VWF: variants seen among roughly 807,000 people sequenced by gnomAD.
VWF encodes Factor VIII related antigen.
In VWF, 176 loss-of-function variants were observed where a neutral mutation model predicts 308.6. The ratio of observed to expected loss-of-function variants is 0.57; its 90% CI spans 0.50 to 0.65. The LOEUF is 0.65. VWF is among the 30% of genes least tolerant of loss of function. VWF has a pLI of 0.00. For synonymous variants in VWF, 1,385 were observed against 1,443.4 expected, an observed-to-expected ratio of 0.96 and a Z score of 0.92; for missense variants, 3,146 against 3,648.2, an observed-to-expected ratio of 0.86 and a Z score of 3.55.
At chr12:5,991,488 A>C (rs1366802644) in intron 38 of VWF, among the ~76,000 whole-genome samples, 2 of 152,178 alleles carry the variant, frequency 1.3e-5, no homozygotes, top group African/African-American at 4.8e-5. Context: ...ATGACACAAA[A>C]TATTCTTTTC....
chr12:6,075,481 G>C lies in VWF; in HGVS notation c.728C>G (p.Pro243Arg). 2.5e-6 allele frequency: 4 copies of C among 1,614,194 alleles called. No homozygotes were observed. The highest frequency in any genetic ancestry group is 3.4e-6 in the Non-Finnish European group (4 of 1,180,044). Reference protein sequence around the residue: ...VFARCHPLVDPEPFVALCEKT... With the variant: ...VFARCHPLVDREPFVALCEKT... Reference sequence around the variant, plus strand: ...CTCACACAGGGCCACAAAAGGCTCGGGGTCCACCAGAGGGTGGCAGCGGGC... The same window carrying C: ...CTCACACAGGGCCACAAAAGGCTCGCGGTCCACCAGAGGGTGGCAGCGGGC... The change falls in exon 7 of 52, where the codon CCC becomes CGC. Residue 243 changes from proline to arginine, a missense_variant. Around this residue, in one of 3 missense-constraint regions of VWF, gnomAD observed 1,304 missense variants for 1,353.0 expected, o/e 0.96. Transcript: ENST00000261405. The surrounding 1 kb of genome is among the most constrained non-coding windows in gnomAD (Gnocchi z 4.7).
chr12:5,998,366 C>T (rs1425461993), intron 34 of VWF, among the ~76,000 whole-genome samples: 2 of 145,804 alleles, frequency 1.4e-5, no homozygotes, highest in Non-Finnish European at 3.0e-5. Context: ...GGCATGGTGG[C>T]GGGCACCTGT....
chr12:5,973,861 C>T (rs1185663415), intron 43 of VWF, among the ~76,000 whole-genome samples: 1 of 152,150 alleles, frequency 6.6e-6, no homozygotes, highest in Non-Finnish European at 1.5e-5. Flanking sequence ...ATGGAAAATC[C>T]CCTCAAAGGC....
At chr12:6,033,165 G>A (rs1341985135) in intron 20 of VWF, among the ~76,000 whole-genome samples, 4 of 152,216 alleles carry the variant, frequency 2.6e-5, no homozygotes, top group East Asian at 1.9e-4. Context: ...GATGCATGGC[G>A]AAGGTTAAAA....
intron 5 of VWF, among the ~76,000 whole-genome samples, chr12:6,100,684 T>C (rs1481571726): frequency 6.6e-6 from 1 of 152,106 alleles, no homozygotes; most frequent in Admixed American, 6.6e-5. Flanking sequence ...TAGATGGGAA[T>C]TGAGCAATGA....
At position 6,052,568 on chromosome 12, in the gene VWF, T is replaced by C. The variant is rs2136449452; in HGVS notation, c.2161A>G (p.Ile721Val). The change falls in exon 16 of 52, where the codon ATC becomes GTC. Residue 721 changes from isoleucine (I) to valine (V), a missense_variant. Physicochemically the swap from Ile to Val is conservative, Grantham distance 29 (BLOSUM62 3). Around this residue, in one of 3 missense-constraint regions of VWF, gnomAD observed 1,304 missense variants for 1,353.0 expected, o/e 0.96. Transcript: ENST00000261405. Reference protein sequence around the residue: ...YDGEIFQPEDIFSDHHTMCYC... With the variant: ...YDGEIFQPEDVFSDHHTMCYC... ...CACATGGTGTGATGGTCTGAGAAGA[T>C]GTCTTCTGGCTGGAAGATCTCACCG... is the stretch of plus-strand genomic sequence containing the variant. 1.2e-6 allele frequency: 2 copies of C among 1,614,274 alleles called. No homozygotes were observed. Among genetic ancestry groups the C allele is most frequent in the East Asian group, 4.5e-5 (2 of 44,892 alleles).
Position 5,967,422 on chromosome 12 carries a change from T to G in VWF, c.7887+64A>C, listed in dbSNP as rs1299984765. ...TATTTATTTAAAGACCGCAGTGAGG[T>G]CCCACTGCCTGGGTCCCACACGCGT... On this transcript the variant is annotated intron_variant, in intron 47 of 51. Coordinates refer to ENST00000261405, the MANE Select transcript of VWF (RefSeq NM_000552.5). 4 of 1,265,284 alleles carry G rather than the reference T, an allele frequency of 3.2e-6. No individual in the cohort carries two copies. The African/African-American group carries it at 5.9e-5, about 19-fold the overall frequency. The allele number at this position is 1,265,284 out of a possible 1,614,324, so 78.4% of individuals were successfully genotyped here.
At chr12:6,094,620 T>A (rs1439566390) in intron 6 of VWF, among the ~76,000 whole-genome samples, 1 of 152,264 alleles carries the variant, frequency 6.6e-6, no homozygotes, top group East Asian at 1.9e-4. Flanking sequence ...AGGTGGCGCC[T>A]TTTAGGAAGT....
At chr12:6,014,251 T>C (rs1490225631) in intron 31 of VWF, among the ~76,000 whole-genome samples, 3 of 152,066 alleles carry the variant, frequency 2.0e-5, no homozygotes, top group African/African-American at 4.8e-5. Context: ...CAATGCTCCA[T>C]TGGCCACAGT....
intron 3 of VWF, among the ~76,000 whole-genome samples, chr12:6,114,704 G>C (rs1211764947): frequency 6.6e-6 from 1 of 152,180 alleles, no homozygotes; most frequent in Non-Finnish European, 1.5e-5. Flanking sequence ...AGCCCAAGGA[G>C]AGACCAGCAT....
chr12:6,063,894 T>A lies in VWF; in HGVS notation c.1432+352A>T, dbSNP rs1591894951. Among the ~76,000 whole-genome samples the A allele has an allele frequency of 6.7e-6, 1 of 148,460 alleles. No homozygotes were observed. Among genetic ancestry groups the A allele is most frequent in the Admixed American group, 6.6e-5 (1 of 15,070 alleles). The stretch of plus-strand genomic sequence containing the variant: ...ATCTCTCAGCATCAGCCTCTGCCCC[T>A]GTCCCACCCCAGAGCAAACCAGAAC... On this transcript the variant is annotated intron_variant, in intron 12 of 51. Coordinates refer to ENST00000261405, the MANE Select transcript of VWF (RefSeq NM_000552.5). This position sits in a 1 kb window ranked among gnomAD's most constrained non-coding sequence, Gnocchi z 4.9.
rs1472625361 is a variant in VWF at position 6,060,081 on chromosome 12, G to A, written c.1534-2037C>T. 1.3e-5 allele frequency among the ~76,000 whole-genome samples: 2 copies of A among 152,052 alleles called. No homozygotes were observed. Among genetic ancestry groups the A allele is most frequent in the Admixed American group, 6.5e-5 (1 of 15,278 alleles). On this transcript the variant is annotated intron_variant, in intron 13 of 51. Transcript: ENST00000261405. The surrounding 1 kb of genome is among the most constrained non-coding windows in gnomAD (Gnocchi z 5.1). ...CCCATCCCCTTGGCTTGTCTCGGAG[G>A]TCAGCTCGGCCAGGGTTAGGAGAGT...
chr12:6,064,367 G>T lies in VWF; in HGVS notation c.1311C>A (p.Asp437Glu), dbSNP rs374722386. 6.8e-6 allele frequency: 11 copies of T among 1,613,998 alleles called. No homozygotes were observed. The East Asian group carries it at 1.1e-4, about 16-fold the overall frequency. Reference protein sequence around the residue: ...IETVQCADDRDAVCTRSVTVR... With the variant: ...IETVQCADDREAVCTRSVTVR... ...CGGTGACGGAGCGGGTGCACACAGC[G>T]TCGCGGTCATCAGCACACTGCCAAG... is the stretch of plus-strand genomic sequence containing the variant. The change falls in exon 12 of 52, where the codon GAC (aspartate) becomes GAA (glutamate). Residue 437 changes from aspartate (D) to glutamate (E), a missense_variant. Physicochemically the swap from Asp to Glu is conservative, Grantham distance 45. Coordinates refer to ENST00000261405, the MANE Select transcript of VWF (RefSeq NM_000552.5).
chr12:6,122,554 C>T (rs570277583), intron 2 of VWF, among the ~76,000 whole-genome samples: 6 of 152,264 alleles, frequency 3.9e-5, no homozygotes, highest in African/African-American at 1.2e-4. Flanking sequence ...TTCCCAGACT[C>T]ACCTGTGGGC....
In VWF at chr12:6,075,179, G is replaced by A. The variant is rs1030874133; in HGVS notation, c.874+156C>T. Among the ~76,000 whole-genome samples the A allele has an allele frequency of 6.6e-6, 1 of 152,126 alleles. No homozygotes were observed. Among genetic ancestry groups the A allele is most frequent in the Non-Finnish European group, 1.5e-5 (1 of 68,030 alleles). On this transcript the variant is annotated intron_variant, in intron 7 of 51. Transcript: ENST00000261405. The surrounding 1 kb of genome is among the most constrained non-coding windows in gnomAD (Gnocchi z 4.7). ...TTGACAGAGGGCAGGAGCCATTCAGGAAATGGGTCCGGGACACGTGGCTTT... is the reference window on the plus strand; with the variant it reads ...TTGACAGAGGGCAGGAGCCATTCAGAAAATGGGTCCGGGACACGTGGCTTT...
rs1274700489 is a variant in VWF at position 6,075,214 on chromosome 12, G to A, written c.874+121C>T. ...CGGGACACGTGGCTTTGTAGTCACT[G>A]GCTGGCTGGGTGTGGTAAAGCCGCA... is the stretch of plus-strand genomic sequence containing the variant. On this transcript the variant is annotated intron_variant, in intron 7 of 51. Transcript: ENST00000261405. The surrounding 1 kb of genome is among the most constrained non-coding windows in gnomAD (Gnocchi z 4.7). 1 of 1,279,630 alleles carries A rather than the reference G, an allele frequency of 7.8e-7. No individual in the cohort carries two copies. The highest frequency in any genetic ancestry group is 1.5e-5 in the African/African-American group (1 of 68,726). 79.3% of individuals were successfully genotyped at this position (1,279,630 alleles called of 1,614,324 possible). A position where few individuals can be genotyped will look rare whatever the true frequency, so the allele number is the denominator to read the frequency against.
rs1326486598 is a variant in VWF at position 6,110,920 on chromosome 12, TC to T, written c.268del (p.Glu90AsnfsTer13). The stretch of plus-strand genomic sequence containing the variant: ...GACAAACAAATGGATGTCAAAAAAT[TC>T]CCCAAGATACACGGAGAGGCTCACT... ...KRVSLSVYLG[E>X]FFDIHLFVNG... On this transcript the variant is annotated frameshift_variant, in exon 4 of 52. Transcript: ENST00000261405. LOFTEE classifies it high-confidence loss of function. The T allele has an allele frequency of 4.3e-6, 7 of 1,613,896 alleles. No individual in the cohort carries two copies. Among genetic ancestry groups the T allele is most frequent in the Non-Finnish European group, 5.9e-6 (7 of 1,179,992 alleles).
At chr12:6,120,166 A>G (rs1391317827) in intron 3 of VWF, among the ~76,000 whole-genome samples, 1 of 152,194 alleles carries the variant, frequency 6.6e-6, no homozygotes, top group Non-Finnish European at 1.5e-5. Flanking sequence ...TGACCCCAGG[A>G]GCCCTACAGC....
intron 47 of VWF, among the ~76,000 whole-genome samples, chr12:5,962,229 T>C (rs940204808): frequency 2.0e-5 from 3 of 152,204 alleles, no homozygotes; most frequent in African/African-American, 7.2e-5. Context: ...TGTTCATAAA[T>C]TGAAAAACTC....
Sources: allele counts gnomAD v4.1 joint callset (sites outside exome capture counted in the v4.1 genomes callset), GRCh38; gene constraint gnomAD v4.1.1; regional missense constraint gnomAD v4.1.1; non-coding constraint Gnocchi (gnomAD v3.1); transcripts MANE v1.5; gene names NCBI Gene and HGNC (gene_info 2026-07-23, HGNC 2026-07-21).